The following ARHGAP15 variants were observed in gnomAD, a reference collection of about 807,000 sequenced individuals.
The protein encoded by ARHGAP15 is Rho GTPase activating protein 15.
Under a neutral mutation model 63.7 loss-of-function variants are expected in ARHGAP15, and 51 were observed. The ratio of observed to expected loss-of-function variants is 0.80; its 90% CI spans 0.64 to 1.01. The LOEUF (loss-of-function observed/expected upper bound fraction) is 1.01, where lower values mean the gene tolerates loss of function less well. Among genes scored for constraint, ARHGAP15 ranks in the 50% least tolerant of loss-of-function variants. ARHGAP15 has a pLI of 0.00. For synonymous variants in ARHGAP15, 191 were observed against 193.8 expected (o/e 0.99, Z 0.12); for missense variants, 560 against 564.6 (o/e 0.99, Z 0.08).
chr2:143,731,323 G>C (rs1685526560), intron 13 of ARHGAP15, among the ~76,000 whole-genome samples: 1 of 152,156 alleles, frequency 6.6e-6, no homozygotes. Context: ...TCCAATGGGG[G>C]TAATTCCATC....
chr2:143,316,903 A>G (rs953287155), intron 6 of ARHGAP15, among the ~76,000 whole-genome samples: 1 of 152,176 alleles, frequency 6.6e-6, no homozygotes, highest in African/African-American at 2.4e-5. Flanking sequence ...TGACTTCAAA[A>G]GACTTTAGGC....
intron 13 of ARHGAP15, among the ~76,000 whole-genome samples, chr2:143,722,853 G>A (rs1685123573): frequency 6.6e-6 from 1 of 152,234 alleles, no homozygotes; most frequent in East Asian, 1.9e-4. Flanking sequence ...GTGGGGCCAG[G>A]TTATGGGTGG....
chr2:143,748,824 C>A (rs1187011927), intron 13 of ARHGAP15, among the ~76,000 whole-genome samples: 1 of 152,142 alleles, frequency 6.6e-6, no homozygotes, highest in Non-Finnish European at 1.5e-5. Flanking sequence ...CCATAGTTTT[C>A]CCCTGGGATA....
chr2:143,315,530 G>A (rs1433671298), intron 6 of ARHGAP15, among the ~76,000 whole-genome samples: 2 of 151,326 alleles, frequency 1.3e-5, no homozygotes, highest in African/African-American at 2.4e-5. Context: ...TATTGCCAAG[G>A]AGTGGGACAC....
intron 11 of ARHGAP15, among the ~76,000 whole-genome samples, chr2:143,563,184 A>T (rs1007574926): frequency 1.3e-5 from 2 of 152,236 alleles, no homozygotes; most frequent in African/African-American, 4.8e-5. Context: ...AATGGGAAAA[A>T]TAATGGAAAT....
chr2:143,731,818 T>C (rs923069507), intron 13 of ARHGAP15, among the ~76,000 whole-genome samples: 2 of 152,112 alleles, frequency 1.3e-5, no homozygotes. Flanking sequence ...TGCTGAAAAA[T>C]TTTAAATACA....
intron 11 of ARHGAP15, among the ~76,000 whole-genome samples, chr2:143,571,560 A>G (rs1696454051): frequency 6.6e-6 from 1 of 152,218 alleles, no homozygotes; most frequent in Non-Finnish European, 1.5e-5. Flanking sequence ...ACAGTCTCCT[A>G]ACATCCATGG....
intron 8 of ARHGAP15, among the ~76,000 whole-genome samples, chr2:143,438,466 G>A (rs1323717270): frequency 7.9e-5 from 12 of 151,942 alleles, no homozygotes. Context: ...TCTAGAAATT[G>A]CATGAGAATT....
intron 12 of ARHGAP15, among the ~76,000 whole-genome samples, chr2:143,701,624 A>G (rs972562677): frequency 1.4e-4 from 21 of 152,152 alleles, no homozygotes; most frequent in African/African-American, 5.1e-4. Context: ...CTAGCTACTC[A>G]GGAGGCTGAG....
At chr2:143,737,567 C>T (rs1009405385) in intron 13 of ARHGAP15, among the ~76,000 whole-genome samples, 1 of 152,030 alleles carries the variant, frequency 6.6e-6, no homozygotes, top group Non-Finnish European at 1.5e-5. Flanking sequence ...AAACATGTCT[C>T]GCACGTGAAA....
chr2:143,573,227 C>T (rs536016502), intron 11 of ARHGAP15, among the ~76,000 whole-genome samples: 32 of 152,266 alleles, frequency 2.1e-4, no homozygotes, highest in African/African-American at 7.2e-4. Flanking sequence ...ATGTGTTTTG[C>T]ATCCCTTACA....
chr2:143,163,639 A>G (rs965221336), intron 2 of ARHGAP15, among the ~76,000 whole-genome samples: 4 of 152,060 alleles, frequency 2.6e-5, no homozygotes, highest in African/African-American at 4.8e-5. Flanking sequence ...CAAGGACAGA[A>G]TAAATAAGAG....
At chr2:143,131,174 G>C (rs1486038095) in intron 1 of ARHGAP15, among the ~76,000 whole-genome samples, 1 of 152,090 alleles carries the variant, frequency 6.6e-6, no homozygotes, top group East Asian at 1.9e-4. Context: ...GAATTGAAGA[G>C]AGCTTGATAT....
intron 6 of ARHGAP15, among the ~76,000 whole-genome samples, chr2:143,385,610 T>C (rs974000980): frequency 1.3e-5 from 2 of 152,226 alleles, no homozygotes. Flanking sequence ...ATTATAGTAG[T>C]AATTCCTTTT....
chr2:143,661,803 G>A (rs1202563274), intron 12 of ARHGAP15, among the ~76,000 whole-genome samples: 3 of 152,112 alleles, frequency 2.0e-5, no homozygotes, highest in Admixed American at 6.5e-5. Flanking sequence ...GAGTCAAAGG[G>A]GTGACGGACG....
intron 8 of ARHGAP15, among the ~76,000 whole-genome samples, chr2:143,441,793 G>A (rs1689895360): frequency 6.6e-6 from 1 of 152,032 alleles, no homozygotes; most frequent in African/African-American, 2.4e-5. Context: ...AAAGGAAATG[G>A]GTTTTCCTTT....
intron 13 of ARHGAP15, among the ~76,000 whole-genome samples, chr2:143,737,725 AT>A (rs1460281345): frequency 1.5e-5 from 2 of 135,800 alleles, no homozygotes; most frequent in African/African-American, 2.9e-5. Context: ...AAACCTATTT[AT>A]TTTATTTATT....
intron 6 of ARHGAP15, among the ~76,000 whole-genome samples, chr2:143,277,448 C>T (rs2105070837): frequency 6.6e-6 from 1 of 151,852 alleles, no homozygotes; most frequent in East Asian, 1.9e-4. Flanking sequence ...GATGAAATGT[C>T]TGCCTGGGTA....
intron 12 of ARHGAP15, among the ~76,000 whole-genome samples, chr2:143,656,937 GT>G (rs1681471969): frequency 3.8e-5 from 1 of 26,222 alleles, no homozygotes; most frequent in Non-Finnish European, 8.3e-5. Flanking sequence ...AGTTTCTGGT[GT>G]GTGTGTGTGT....
Sources: gnomAD v4.1 joint callset for allele counts (sites outside exome capture counted in the v4.1 genomes callset) on GRCh38, gnomAD v4.1.1 for gene constraint, MANE v1.5 for transcripts, NCBI Gene and HGNC (gene_info 2026-07-23, HGNC 2026-07-21) for gene names.